The following LRRC49 variants were observed in gnomAD, a reference collection of about 807,000 sequenced individuals.
The protein encoded by LRRC49 is leucine-rich repeat-containing protein 49.
Under a neutral mutation model 83.3 loss-of-function variants are expected in LRRC49, and 50 were observed. The ratio of observed to expected loss-of-function variants is 0.60; its 90% CI spans 0.48 to 0.76. LRRC49 has a LOEUF of 0.76. Ranked by LOEUF, LRRC49 falls within the 30% of genes least tolerant of loss-of-function variation. The pLI, the probability that LRRC49 is intolerant of heterozygous loss-of-function variation, is 0.00. For synonymous variants in LRRC49, 286 were observed against 283.3 expected, an observed-to-expected ratio of 1.01 and a Z score of -0.10; for missense variants, 704 against 809.1, an observed-to-expected ratio of 0.87 and a Z score of 1.58.
rs1186776268 is a variant in LRRC49 at position 71,037,209 on chromosome 15, C to T, written c.1734C>T (p.Ser578=). ...RKKQFRYLLE[S]KGKKPGIINE... is the part of the protein sequence containing the mutation. ...AGCAATTTCGGTATCTACTAGAATC[C>T]AAAGGAAAAAAACCTGGTATTATCA... The change falls in exon 15 of 16, where the codon TCC becomes TCT. Residue 578 remains serine (S), a synonymous_variant. Coordinates refer to ENST00000260382, the MANE Select transcript of LRRC49 (RefSeq NM_017691.5). 1.9e-6 allele frequency: 3 copies of T among 1,608,726 alleles called. No individual in the cohort carries two copies. In the African/African-American group the frequency reaches 4.0e-5, roughly 22 times the overall value.
In LRRC49 at chr15:70,991,602, G is replaced by A. The variant is rs114495023; in HGVS notation, c.1169+7345G>A. Among the ~76,000 whole-genome samples the A allele has an allele frequency of 1.8e-3, 274 of 152,134 alleles. 3 individuals carry two copies. Among genetic ancestry groups the A allele is most frequent in the African/African-American group, 6.3e-3 (263 of 41,524 alleles). The stretch of plus-strand genomic sequence containing the variant: ...TTTGGAACTTTGTGGAATTTTTTTC[G>A]GATATTTTTGATCCATTTGGTTTAA... On this transcript the variant is annotated intron_variant, in intron 11 of 15. Coordinates refer to ENST00000260382, the MANE Select transcript of LRRC49 (RefSeq NM_017691.5).
At chr15:71,007,067 C>T (rs780007764) in intron 11 of LRRC49, among the ~76,000 whole-genome samples, 8 of 151,788 alleles carry the variant, frequency 5.3e-5, no homozygotes, top group African/African-American at 1.9e-4. Flanking sequence ...AGAAATCAAG[C>T]CTTTTTGTAT....
chr15:71,034,551 A>AT (rs1350413219), intron 14 of LRRC49, among the ~76,000 whole-genome samples: 1 of 152,238 alleles, frequency 6.6e-6, no homozygotes, highest in Non-Finnish European at 1.5e-5. Flanking sequence ...CCAAAGGAAT[A>AT]TAAATCATTC....
chr15:70,900,056 C>G (rs991514534), intron 3 of LRRC49: 4 of 155,738 alleles, frequency 2.6e-5, no homozygotes, highest in African/African-American at 9.6e-5. Flanking sequence ...CACCTCCCCT[C>G]AAACCCCTCT....
chr15:70,990,909 A>T (rs192630396), intron 11 of LRRC49, among the ~76,000 whole-genome samples: 30 of 152,234 alleles, frequency 2.0e-4, no homozygotes, highest in African/African-American at 7.2e-4. Flanking sequence ...TAAACTTCAC[A>T]TGTTCCAAAA....
intron 2 of LRRC49, among the ~76,000 whole-genome samples, chr15:70,876,868 C>T (rs562926154): frequency 6.6e-6 from 1 of 152,296 alleles, no homozygotes; most frequent in East Asian, 1.9e-4. Context: ...ACATACTTTC[C>T]TGACCCCAAA....
At chr15:70,954,172 G>A (rs1307339840) in intron 8 of LRRC49, among the ~76,000 whole-genome samples, 1 of 152,174 alleles carries the variant, frequency 6.6e-6, no homozygotes, top group Non-Finnish European at 1.5e-5. Flanking sequence ...TGGGATTACA[G>A]GTGTGAGCCA....
intron 8 of LRRC49, among the ~76,000 whole-genome samples, chr15:70,954,624 C>T (rs2036333025): frequency 6.6e-6 from 1 of 151,942 alleles, no homozygotes; most frequent in South Asian, 2.1e-4. Flanking sequence ...TCTTTATTGC[C>T]CTTAGGGTTT....
chr15:70,959,572 AGG>A (rs2036530721), intron 8 of LRRC49, among the ~76,000 whole-genome samples: 1 of 144,016 alleles, frequency 6.9e-6, no homozygotes, highest in African/African-American at 2.5e-5. Flanking sequence ...GAAGGAAGGA[AGG>A]AAGGAAGGAA....
At chr15:70,877,147 C>CTG (rs2033168585) in intron 2 of LRRC49, among the ~76,000 whole-genome samples, 1 of 152,124 alleles carries the variant, frequency 6.6e-6, no homozygotes. Context: ...TTTGTGAAGC[C>CTG]TACCTTAAGA....
chr15:70,892,491 C>G, upstream of LRRC49: 1 of 1,527,898 alleles, frequency 6.5e-7, no homozygotes, highest in Non-Finnish European at 8.7e-7. Context: ...CTGCGCTGCT[C>G]CCCAGGAGCC....
At chr15:70,929,733 A>T (rs1475880368) in intron 7 of LRRC49, among the ~76,000 whole-genome samples, 1 of 152,190 alleles carries the variant, frequency 6.6e-6, no homozygotes, top group Non-Finnish European at 1.5e-5. Context: ...TGATATTCTA[A>T]GTTGTTTGTT....
At chr15:70,951,308 G>A (rs1414508459) in intron 8 of LRRC49, among the ~76,000 whole-genome samples, 1 of 152,004 alleles carries the variant, frequency 6.6e-6, no homozygotes, top group Non-Finnish European at 1.5e-5. Context: ...AATGACATTG[G>A]TAGTATGATA....
chr15:70,956,529 G>A (rs982234775), intron 8 of LRRC49, among the ~76,000 whole-genome samples: 2 of 150,134 alleles, frequency 1.3e-5, no homozygotes, highest in South Asian at 2.1e-4. Flanking sequence ...GTGGGGTGGC[G>A]AGAGAGAGAG....
intron 11 of LRRC49, among the ~76,000 whole-genome samples, chr15:70,989,500 T>C (rs1480774475): frequency 1.3e-5 from 2 of 152,226 alleles, no homozygotes; most frequent in African/African-American, 4.8e-5. Context: ...CTTTCAGCAC[T>C]TCTCTGTATT....
chr15:70,929,492 C>G (rs993891255), intron 7 of LRRC49, among the ~76,000 whole-genome samples: 2 of 152,014 alleles, frequency 1.3e-5, no homozygotes, highest in Non-Finnish European at 2.9e-5. Flanking sequence ...AGGGTCTTGC[C>G]GTGATGTTAA....
intron 1 of LRRC49, 90 bp downstream of exon 1, chr15:70,893,032 A>T: frequency 7.0e-7 from 1 of 1,420,540 alleles, no homozygotes; most frequent in Non-Finnish European, 1.0e-6. Flanking sequence ...TATTATTAGG[A>T]CCGGCACCGC....
At chr15:71,027,699 T>C (rs112313890) in intron 14 of LRRC49, among the ~76,000 whole-genome samples, 5,412 of 152,284 alleles carry the variant, frequency 0.036, 152 homozygotes, top group Middle Eastern at 0.061. Context: ...ATTCTCTTTG[T>C]AGCAATTGTG....
intron 1 of LRRC49, among the ~76,000 whole-genome samples, chr15:70,867,044 C>T (rs1013942150): frequency 7.7e-6 from 1 of 129,374 alleles, no homozygotes; most frequent in African/African-American, 2.7e-5. Context: ...GGAGGCTGAT[C>T]GGAACGGAAT....
Sources: allele counts gnomAD v4.1 joint callset (sites outside exome capture counted in the v4.1 genomes callset), GRCh38; gene constraint gnomAD v4.1.1; transcripts MANE v1.5; gene names NCBI Gene and HGNC (gene_info 2026-07-23, HGNC 2026-07-21).